Variants in PCDH19 observed in about 807,000 individuals in gnomAD.
PCDH19 encodes the protein protocadherin-19.
Under a neutral mutation model 46.2 loss-of-function variants are expected in PCDH19, and 6 were observed. That is an observed-to-expected ratio of 0.13 (90% confidence interval 0.07 to 0.26). The LOEUF is 0.26. Ranked by LOEUF, PCDH19 falls within the 10% of genes least tolerant of loss-of-function variation. The pLI, the probability that PCDH19 is intolerant of heterozygous loss-of-function variation, is 1.00. For missense variants in PCDH19, 740 were observed against 972.3 expected (o/e 0.76, Z 3.18); for synonymous variants, 481 against 415.7 (o/e 1.16, Z -1.91).
intron 4 of PCDH19, among the ~76,000 whole-genome samples, chrX:100,343,213 TC>T (rs777814039): frequency 8.9e-6 from 1 of 111,745 alleles, no homozygotes; most frequent in Non-Finnish European, 1.9e-5. Flanking sequence ...AAACTACACT[TC>T]CATCTTCCCT....
At chrX:100,327,487 G>A (rs895495553) in intron 5 of PCDH19, among the ~76,000 whole-genome samples, 1 of 112,086 alleles carries the variant, frequency 8.9e-6, no homozygotes, top group African/African-American at 3.2e-5. Flanking sequence ...AGTGGAAATA[G>A]TTGTACTGAT....
In PCDH19 at chrX:100,409,908, C is replaced by G; in HGVS notation, c.-1311G>C. The G allele has an allele frequency of 3.1e-6, 1 of 321,384 alleles. No homozygotes were observed. The highest frequency in any genetic ancestry group is 1.1e-4 in the South Asian group (1 of 9,127). The allele number at this position is 321,384 out of a possible 1,213,427, so 26.5% of individuals were successfully genotyped here. A position where few individuals can be genotyped will look rare whatever the true frequency, so the allele number is the denominator to read the frequency against. ...TTGGGCTCCCTTCCTCCCGGGCGCT[C>G]GCGCACTCGGGAGGTCTGTCTCGCT... On this transcript the variant is annotated 5_prime_UTR_variant, in exon 1 of 6. Transcript: ENST00000373034.
intron 3 of PCDH19, among the ~76,000 whole-genome samples, chrX:100,367,530 G>A (rs1444577754): frequency 8.9e-6 from 1 of 111,903 alleles, no homozygotes; most frequent in Non-Finnish European, 1.9e-5. Context: ...CTTCCAAGAT[G>A]TTACCTTGTT....
chrX:100,334,412 G>A (rs1320667919), intron 5 of PCDH19, among the ~76,000 whole-genome samples: 1 of 111,756 alleles, frequency 8.9e-6, no homozygotes, highest in Non-Finnish European at 1.9e-5. Flanking sequence ...TCATACTCTT[G>A]CAAATATAAG....
chrX:100,323,777 A>G (rs1224952879), intron 5 of PCDH19, among the ~76,000 whole-genome samples: 1 of 111,755 alleles, frequency 8.9e-6, no homozygotes, highest in Non-Finnish European at 1.9e-5. Flanking sequence ...AAAATTCTCA[A>G]TGTCATTAAA....
rs748321915 is a variant in PCDH19 at position 100,402,830 on chromosome X, C to T, written c.2310G>A (p.Gly770=). Residue 770 remains glycine (G), a synonymous_variant, in exon 3 of 6, where the codon GGG becomes GGA. Coordinates refer to ENST00000373034, the MANE Select transcript of PCDH19 (RefSeq NM_001184880.2). ...TCTTCTTGCTTGATTTCTTTTGATG[C>T]CCATAGGAGTACTCAGCAATTCTAT... is the stretch of plus-strand genomic sequence containing the variant. ...RGKRIAEYSY[G]HQKKSSKKKK... 11 of 1,205,994 alleles carry T rather than the reference C, an allele frequency of 9.1e-6. No homozygotes were observed. Among genetic ancestry groups the T allele is most frequent in the Non-Finnish European group, 1.2e-5 (11 of 892,212 alleles).
chrX:100,374,666 G>A (rs762346513), intron 3 of PCDH19, among the ~76,000 whole-genome samples: 17 of 112,256 alleles, frequency 1.5e-4, no homozygotes, highest in African/African-American at 2.3e-4. Context: ...TTGGCCAAGC[G>A]CAGTGGCTCA....
chrX:100,406,778 A>G lies in PCDH19; in HGVS notation c.1820T>C (p.Met607Thr), dbSNP rs796052821. 8.3e-7 allele frequency: 1 copy of G among 1,211,740 alleles called. No individual in the cohort carries two copies. The highest frequency in any genetic ancestry group is 1.1e-6 in the Non-Finnish European group (1 of 895,536). ...AAAGAAGCCGCGGTCGCCCTCGGTCATGTCGTAGGTGACTCGGCCATTTTC... is the reference window on the plus strand; with the variant it reads ...AAAGAAGCCGCGGTCGCCCTCGGTCGTGTCGTAGGTGACTCGGCCATTTTC... ...EGENGRVTYDMTEGDRGFFEI... is the reference protein window; with the variant it reads ...EGENGRVTYDTTEGDRGFFEI... The change falls in exon 1 of 6, where the codon ATG (methionine) becomes ACG (threonine). Residue 607 changes from methionine to threonine, a missense_variant. This residue lies in a region of PCDH19 where 416 missense variants were observed against 476.8 expected (regional missense o/e 0.87). Transcript: ENST00000373034.
At chrX:100,356,758 TTC>T (rs60053212) in intron 3 of PCDH19, among the ~76,000 whole-genome samples, 1 of 102,978 alleles carries the variant, frequency 9.7e-6, no homozygotes, top group Non-Finnish European at 2.0e-5. Flanking sequence ...CCCTAATTCA[TTC>T]TCTCTCTCTC....
At chrX:100,341,016 T>C (rs1031695900) in intron 5 of PCDH19, among the ~76,000 whole-genome samples, 4 of 112,018 alleles carry the variant, frequency 3.6e-5, no homozygotes, top group Admixed American at 1.9e-4. Context: ...TATTTCTTAA[T>C]TGAAAAAGAC....
At chrX:100,399,412 T>C (rs1273314271) in intron 3 of PCDH19, among the ~76,000 whole-genome samples, 1 of 111,984 alleles carries the variant, frequency 8.9e-6, no homozygotes, top group East Asian at 2.8e-4. Flanking sequence ...TTTACTTGAT[T>C]GTCTCACACT....
intron 3 of PCDH19, among the ~76,000 whole-genome samples, chrX:100,367,207 C>G (rs1266706154): frequency 8.9e-6 from 1 of 112,144 alleles, no homozygotes; most frequent in African/African-American, 3.2e-5. Flanking sequence ...TAATTCAATT[C>G]AACAAATACT....
At chrX:100,393,419 A>G (rs112185241) in intron 3 of PCDH19, among the ~76,000 whole-genome samples, 11 of 108,400 alleles carry the variant, frequency 1.0e-4, no homozygotes, top group African/African-American at 2.3e-4. Flanking sequence ...GAAGCAGATA[A>G]TGTTCATTTT....
Position 100,395,371 on chromosome X carries a change from C to A in PCDH19, c.2616+7153G>T, listed in dbSNP as rs181680358. Among the ~76,000 whole-genome samples the A allele has an allele frequency of 3.6e-5, 4 of 112,292 alleles. No individual in the cohort carries two copies. In the East Asian group the frequency reaches 1.1e-3, roughly 31 times the overall value. On this transcript the variant is annotated intron_variant, in intron 3 of 5. Transcript: ENST00000373034. ...TGGGGTCTAATTTACAAAACAAACACCCTTTGGCTGACCAGCTTTTCAGGA... is the reference window on the plus strand; with the variant it reads ...TGGGGTCTAATTTACAAAACAAACAACCTTTGGCTGACCAGCTTTTCAGGA...
intron 5 of PCDH19, among the ~76,000 whole-genome samples, chrX:100,312,277 C>A (rs1254775093): frequency 9.0e-6 from 1 of 111,008 alleles, no homozygotes; most frequent in East Asian, 2.9e-4. Context: ...ATCATTAAAT[C>A]CTTGTTTGCA....
rs759398718 is a variant in PCDH19 at position 100,408,195 on chromosome X, C to T, written c.403G>A (p.Glu135Lys). Residue 135 changes from glutamate to lysine, a missense_variant, in exon 1 of 6, where the codon GAG (glutamate) becomes AAG (lysine). Physicochemically the swap from Glu to Lys is moderately conservative, Grantham distance 56. Transcript: ENST00000373034. ...CTGGCTGCCTCCGAGATCTCCAGCT[C>T]GATCTGTGCTGCCGGGAAACTGGGC... The part of the protein sequence containing the change: ...NAPSFPAAQI[E>K]LEISEAASPG... The T allele has an allele frequency of 8.2e-7, 1 of 1,212,237 alleles. No homozygotes were observed. The highest frequency in any genetic ancestry group is 2.2e-5 in the Admixed American group (1 of 46,164).
At chrX:100,330,127 A>G (rs1450254667) in intron 5 of PCDH19, among the ~76,000 whole-genome samples, 1 of 111,728 alleles carries the variant, frequency 9.0e-6, no homozygotes. Flanking sequence ...AAGTCAAAAC[A>G]ATTCTTTTGG....
intron 3 of PCDH19, among the ~76,000 whole-genome samples, chrX:100,351,996 A>C (rs1471914033): frequency 8.9e-6 from 1 of 112,361 alleles, no homozygotes; most frequent in Non-Finnish European, 1.9e-5. Flanking sequence ...ACAGTACTTA[A>C]AAGGAAACTA....
chrX:100,363,643 G>T (rs1289463982), intron 3 of PCDH19, among the ~76,000 whole-genome samples: 1 of 93,128 alleles, frequency 1.1e-5, no homozygotes. Context: ...ATATATATGG[G>T]CATATAATAT....
Sources: gnomAD v4.1 joint callset for allele counts (sites outside exome capture counted in the v4.1 genomes callset) on GRCh38, gnomAD v4.1.1 for gene constraint, gnomAD v4.1.1 regional missense constraint, MANE v1.5 for transcripts, NCBI Gene and HGNC (gene_info 2026-07-23, HGNC 2026-07-21) for gene names.